The following GABRB3 variants were observed in gnomAD, a reference collection of about 807,000 sequenced individuals.
GABRB3 encodes the protein gamma-aminobutyric acid receptor subunit beta-3.
GABRB3 carries 14 observed loss-of-function variants against 52.1 expected under a neutral mutation model. The ratio of observed to expected loss-of-function variants is 0.27; its 90% CI spans 0.18 to 0.42. GABRB3 has a LOEUF of 0.42. Among genes scored for constraint, GABRB3 ranks in the 10% least tolerant of loss-of-function variants. GABRB3 has a pLI of 1.00. For missense variants in GABRB3, 307 were observed against 609.1 expected (o/e 0.50, Z 5.22); for synonymous variants, 260 against 232.3 (o/e 1.12, Z -1.08).
intron 3 of GABRB3, among the ~76,000 whole-genome samples, chr15:26,623,255 A>G (rs566455572): frequency 5.3e-5 from 8 of 152,348 alleles, no homozygotes; most frequent in Admixed American, 5.2e-4. Flanking sequence ...GCGATGAGTC[A>G]GGCTAGACCC....
chr15:26,583,473 A>G, intron 4 of GABRB3, 59 bp from the exon 5 acceptor site: 1 of 1,404,888 alleles, frequency 7.1e-7, no homozygotes, highest in Admixed American at 1.7e-5. Context: ...TATCAGGGAG[A>G]CTCCTCTTAG....
At chr15:26,568,761 C>A (rs947350366) in intron 6 of GABRB3, among the ~76,000 whole-genome samples, 1 of 150,586 alleles carries the variant, frequency 6.6e-6, no homozygotes, top group Non-Finnish European at 1.5e-5. Flanking sequence ...GTGATCCACC[C>A]ACCTCGGCCT....
At chr15:26,665,195 T>C (rs1887672022) in intron 3 of GABRB3, among the ~76,000 whole-genome samples, 1 of 152,236 alleles carries the variant, frequency 6.6e-6, no homozygotes, top group Non-Finnish European at 1.5e-5. Flanking sequence ...TCTTATTCAT[T>C]GTATCCATCT....
rs12901528 is a variant in GABRB3, at chr15:26,624,252, T to C, written c.241-2718A>G. 0.42 allele frequency: 411,461 copies of C among 985,498 alleles called. 87,606 individuals carry two copies. The highest frequency in any genetic ancestry group is 0.49 in the Middle Eastern group (929 of 1,914). The allele number at this position is 985,498 out of a possible 1,614,324, so 61.0% of individuals were successfully genotyped here. On this transcript the variant is annotated intron_variant, in intron 3 of 8. Transcript: ENST00000311550. ...TGCGCTGGAACTGAGGCGTGCAAAGTTGTGGTTTCACAACAAAAGGAGGAT... is the reference window on the plus strand; with the variant it reads ...TGCGCTGGAACTGAGGCGTGCAAAGCTGTGGTTTCACAACAAAAGGAGGAT...
In GABRB3 at chr15:26,550,741, C is replaced by T. The variant is rs529292344; in HGVS notation, c.1081-2607G>A. ...CAGAAAGGAAAGGAGCACAGATTGC[C>T]AATACTTTAATTTCAGCCTCCTGAC... On this transcript the variant is annotated intron_variant, in intron 8 of 8. Transcript: ENST00000311550. Among the ~76,000 whole-genome samples, 14 of 152,256 alleles carry T rather than the reference C, an allele frequency of 9.2e-5. No homozygotes were observed. The South Asian group carries it at 2.7e-3, about 29-fold the overall frequency.
chr15:26,734,655 A>C (rs1890020333), intron 3 of GABRB3, among the ~76,000 whole-genome samples: 1 of 150,960 alleles, frequency 6.6e-6, no homozygotes, highest in African/African-American at 2.4e-5. Context: ...AAAAAAAAAA[A>C]AGCCTGGTGT....
chr15:26,637,254 C>T (rs546526408), intron 3 of GABRB3, among the ~76,000 whole-genome samples: 7 of 152,280 alleles, frequency 4.6e-5, no homozygotes, highest in African/African-American at 1.4e-4. Flanking sequence ...ACTCTCTTTC[C>T]CCTAACAACC....
chr15:26,610,126 C>A (rs995972328), intron 4 of GABRB3, among the ~76,000 whole-genome samples: 6 of 152,188 alleles, frequency 3.9e-5, no homozygotes, highest in Non-Finnish European at 7.3e-5. Flanking sequence ...TCTTCCTTAT[C>A]CCTCCCTAAT....
At chr15:26,626,751 T>C (rs1892712100) in intron 3 of GABRB3, among the ~76,000 whole-genome samples, 1 of 152,144 alleles carries the variant, frequency 6.6e-6, no homozygotes, top group Non-Finnish European at 1.5e-5. Flanking sequence ...TAGGAGAGAT[T>C]GGTTCATGAG....
intron 4 of GABRB3, among the ~76,000 whole-genome samples, chr15:26,588,391 C>A (rs1891073328): frequency 6.6e-6 from 1 of 152,142 alleles, no homozygotes. Context: ...CTCACAACAA[C>A]CATATTATAG....
intron 3 of GABRB3, among the ~76,000 whole-genome samples, chr15:26,629,652 ACACTC>A (rs1446443676): frequency 6.6e-6 from 1 of 152,108 alleles, no homozygotes; most frequent in Non-Finnish European, 1.5e-5. Flanking sequence ...GAAGGTGGTA[ACACTC>A]CACTTCTCAC....
chr15:26,591,662 C>T (rs1053026214), intron 4 of GABRB3, among the ~76,000 whole-genome samples: 1 of 152,146 alleles, frequency 6.6e-6, no homozygotes, highest in African/African-American at 2.4e-5. Context: ...GTTCAACCCT[C>T]CGAAGAGGAA....
chr15:26,773,674 G>C (rs201850683), upstream of GABRB3: 33 of 1,574,446 alleles, frequency 2.1e-5, no homozygotes, highest in East Asian at 7.2e-4. Flanking sequence ...GGGTCCCCAG[G>C]GTCCAGGAGA....
intron 6 of GABRB3, among the ~76,000 whole-genome samples, chr15:26,568,153 A>C (rs1036790567): frequency 3.9e-5 from 6 of 152,216 alleles, no homozygotes; most frequent in African/African-American, 1.4e-4. Context: ...CCTGGAGTTC[A>C]GCCCTGAATA....
At chr15:26,599,192 C>T (rs1401500308) in intron 4 of GABRB3, among the ~76,000 whole-genome samples, 1 of 152,164 alleles carries the variant, frequency 6.6e-6, no homozygotes, top group Admixed American at 6.5e-5. Flanking sequence ...AAGCAGTGTT[C>T]CATTTAGCCA....
At chr15:26,642,962 C>G (rs1413551280) in intron 3 of GABRB3, among the ~76,000 whole-genome samples, 1 of 152,088 alleles carries the variant, frequency 6.6e-6, no homozygotes, top group Non-Finnish European at 1.5e-5. Context: ...GGCTTCCCTG[C>G]TACTCTCCTC....
intron 4 of GABRB3, among the ~76,000 whole-genome samples, chr15:26,584,190 A>T (rs1244365457): frequency 6.6e-6 from 1 of 152,126 alleles, no homozygotes; most frequent in East Asian, 1.9e-4. Flanking sequence ...TGTACCAAAA[A>T]CTTACTAGGT....
chr15:26,771,463 A>G (rs1891141304), intron 3 of GABRB3, among the ~76,000 whole-genome samples: 1 of 152,208 alleles, frequency 6.6e-6, no homozygotes, highest in South Asian at 2.1e-4. Context: ...GTCCGAAAGA[A>G]AAGTTGCCAA....
chr15:26,748,194 T>G (rs532879751), intron 3 of GABRB3, among the ~76,000 whole-genome samples: 125 of 152,260 alleles, frequency 8.2e-4, no homozygotes, highest in African/African-American at 2.9e-3. Context: ...TAGTACACTG[T>G]CTTTCTTCCT....
Sources: allele counts gnomAD v4.1 joint callset (sites outside exome capture counted in the v4.1 genomes callset), GRCh38; gene constraint gnomAD v4.1.1; transcripts MANE v1.5; gene names NCBI Gene and HGNC (gene_info 2026-07-23, HGNC 2026-07-21).